Variants in USP28 observed in about 807,000 individuals in gnomAD.
USP28 encodes ubiquitin carboxyl-terminal hydrolase 28.
In USP28, 113 loss-of-function variants were observed where a neutral mutation model predicts 145.0. The observed-to-expected ratio is 0.78, with a 90% CI of 0.67 to 0.91. USP28 has a LOEUF of 0.91. Ranked by LOEUF, USP28 falls within the 40% of genes least tolerant of loss-of-function variation. USP28 has a pLI of 0.00. For synonymous variants in USP28, 447 were observed against 450.9 expected, an observed-to-expected ratio of 0.99 and a Z score of 0.11; for missense variants, 1,201 against 1,289.6, an observed-to-expected ratio of 0.93 and a Z score of 1.05.
chr11:113,829,029 G>GTAC, intron 10 of USP28, 168 bp downstream of exon 10: 2 of 853,422 alleles, frequency 2.3e-6, no homozygotes, highest in Non-Finnish European at 3.8e-6. Context: ...ATTTATCAAA[G>GTAC]TACTGATACT....
chr11:113,808,225 G>A, intron 18 of USP28, 73 bp downstream of exon 18: 2 of 1,575,280 alleles, frequency 1.3e-6, no homozygotes, highest in African/African-American at 1.4e-5. Context: ...CAGAATAATA[G>A]AAATGTGAGA....
intron 14 of USP28, among the ~76,000 whole-genome samples, chr11:113,814,656 T>C (rs530517089): frequency 2.0e-5 from 3 of 151,104 alleles, no homozygotes; most frequent in Non-Finnish European, 2.9e-5. Flanking sequence ...CCCAGAAATT[T>C]TGAGGGGGAG....
At chr11:113,844,926 G>A (rs1945648033) in intron 3 of USP28, among the ~76,000 whole-genome samples, 3 of 151,806 alleles carry the variant, frequency 2.0e-5, no homozygotes, top group Non-Finnish European at 4.4e-5. Flanking sequence ...GCAATGTGGC[G>A]AAACCTTGCC....
chr11:113,806,010 C>A (rs755375127), intron 19 of USP28, among the ~76,000 whole-genome samples: 1 of 151,950 alleles, frequency 6.6e-6, no homozygotes, highest in African/African-American at 2.4e-5. Context: ...TTCACTGCAA[C>A]CTTGAACACC....
chr11:113,870,314 C>T (rs1245961916), intron 1 of USP28, among the ~76,000 whole-genome samples: 1 of 152,100 alleles, frequency 6.6e-6, no homozygotes, highest in East Asian at 1.9e-4. Context: ...ACTGCTTGAG[C>T]CCAGGAGTTC....
At chr11:113,874,404 A>AAC in intron 1 of USP28, 1 of 1,036,528 alleles carries the variant, frequency 9.6e-7, no homozygotes, top group South Asian at 1.7e-5. Context: ...CAGCCTAGGC[A>AAC]ACAGAGGGAG....
chr11:113,858,668 G>A (rs771097509), intron 1 of USP28, among the ~76,000 whole-genome samples: 9 of 152,226 alleles, frequency 5.9e-5, no homozygotes, highest in South Asian at 2.1e-4. Flanking sequence ...GGAGCGCAGC[G>A]GCGCAATCTC....
chr11:113,821,260 G>T, intron 12 of USP28: 1 of 221,322 alleles, frequency 4.5e-6, no homozygotes. Flanking sequence ...TGGCCAGGGG[G>T]AAGGATGTAC....
chr11:113,864,263 T>A (rs1227417115), intron 1 of USP28, among the ~76,000 whole-genome samples: 2 of 151,842 alleles, frequency 1.3e-5, no homozygotes, highest in Non-Finnish European at 2.9e-5. Flanking sequence ...AAAAAACTGA[T>A]GAAAGAAGTT....
chr11:113,814,527 A>G (rs142104065), intron 14 of USP28, among the ~76,000 whole-genome samples: 1 of 152,310 alleles, frequency 6.6e-6, no homozygotes, highest in Admixed American at 6.5e-5. Flanking sequence ...AAGACTGAAG[A>G]GTAGAAGTCC....
chr11:113,840,467 A>G, intron 5 of USP28, 131 bp downstream of exon 5: 1 of 1,192,582 alleles, frequency 8.4e-7, no homozygotes, highest in Non-Finnish European at 1.1e-6. Context: ...TCCATACACA[A>G]TAATGCCAGA....
intron 9 of USP28, among the ~76,000 whole-genome samples, chr11:113,830,168 G>A (rs374936449): frequency 6.6e-6 from 1 of 151,406 alleles, no homozygotes; most frequent in Admixed American, 6.6e-5. Context: ...TCACACACTG[G>A]GGTCCTGACT....
At chr11:113,807,020 C>G (rs989624311) in intron 18 of USP28, among the ~76,000 whole-genome samples, 1 of 151,776 alleles carries the variant, frequency 6.6e-6, no homozygotes, top group Non-Finnish European at 1.5e-5. Flanking sequence ...TTAAAATAGT[C>G]TGGAAACTAG....
At chr11:113,835,447 T>C (rs1944458084) in intron 5 of USP28, 1 of 428,778 alleles carries the variant, frequency 2.3e-6, no homozygotes, top group South Asian at 1.7e-5. Context: ...CGGTACTGAC[T>C]AGAGCCCACG....
intron 1 of USP28, chr11:113,874,903 GGGGAGGCTGCGCTGTT>G (rs981606673): frequency 1.0e-6 from 1 of 1,002,078 alleles, no homozygotes; most frequent in African/African-American, 1.8e-5. Flanking sequence ...GGCAATAATT[GGGGAGGCTGCGCTGTT>G]TTGTTTTTAA....
intron 17 of USP28, 45 bp downstream of exon 17, chr11:113,809,018 C>CA: frequency 1.3e-6 from 2 of 1,589,538 alleles, no homozygotes; most frequent in Non-Finnish European, 1.7e-6. Flanking sequence ...GGGAGTACAG[C>CA]ATGAGATGTT....
intron 1 of USP28, among the ~76,000 whole-genome samples, chr11:113,867,564 T>C (rs1318212720): frequency 6.0e-5 from 9 of 150,782 alleles, no homozygotes; most frequent in African/African-American, 1.5e-4. Flanking sequence ...TTTGCCTCAA[T>C]TGAAAAAAAA....
intron 3 of USP28, among the ~76,000 whole-genome samples, chr11:113,851,844 AT>A (rs1436051018): frequency 2.1e-4 from 12 of 57,802 alleles, no homozygotes; most frequent in Non-Finnish European, 5.1e-4. Flanking sequence ...TCTTTTTTTC[AT>A]TTCTTTCTTC....
Position 113,808,451 on chromosome 11 carries a change from G to A in USP28, c.2165-14C>T. On this transcript the variant is annotated splice_polypyrimidine_tract_variant and intron_variant, in intron 17 of 24. Coordinates refer to ENST00000003302, the Ensembl canonical transcript of USP28. ...CTACTGAAGGCTCTGATAAAGAATTGAACAAAGGTCTTAGCATCTAATGAT... is the reference window on the plus strand; with the variant it reads ...CTACTGAAGGCTCTGATAAAGAATTAAACAAAGGTCTTAGCATCTAATGAT... The A allele has an allele frequency of 6.2e-7, 1 of 1,613,472 alleles. No homozygotes were observed. The highest frequency in any genetic ancestry group is 8.5e-7 in the Non-Finnish European group (1 of 1,179,778).
Sources: gnomAD v4.1 joint callset for allele counts (sites outside exome capture counted in the v4.1 genomes callset) on GRCh38, gnomAD v4.1.1 for gene constraint, MANE v1.5 for transcripts, NCBI Gene and HGNC (gene_info 2026-07-23, HGNC 2026-07-21) for gene names.